The following XKR6 variants were observed in gnomAD, a reference collection of about 807,000 sequenced individuals.
XKR6 encodes XK related 6, also known as XK-related protein 6.
In XKR6, 22 loss-of-function variants were observed where a neutral mutation model predicts 56.7. The ratio of observed to expected loss-of-function variants is 0.39; its 90% confidence interval spans 0.28 to 0.55. The LOEUF (loss-of-function observed/expected upper bound fraction) is 0.55, where lower values mean the gene tolerates loss of function less well. Ranked by LOEUF, XKR6 falls within the 20% of genes least tolerant of loss-of-function variation. XKR6 has a pLI of 0.66. For missense variants in XKR6, 852 were observed against 889.0 expected, an observed-to-expected ratio of 0.96 and a Z score of 0.53; for synonymous variants, 524 against 387.8, an observed-to-expected ratio of 1.35 and a Z score of -4.13.
chr8:11,091,868 A>C (rs1288499787), intron 1 of XKR6, among the ~76,000 whole-genome samples: 1 of 152,174 alleles, frequency 6.6e-6, no homozygotes, highest in Non-Finnish European at 1.5e-5. Flanking sequence ...CCTTTATCTG[A>C]CACCCAGCAC....
intron 1 of XKR6, among the ~76,000 whole-genome samples, chr8:10,945,510 C>G (rs1366626364): frequency 1.3e-5 from 2 of 152,134 alleles, no homozygotes; most frequent in Non-Finnish European, 2.9e-5. Context: ...AATGAAAAGA[C>G]CAAAATGCCT....
At chr8:11,148,464 A>T (rs1801104637) in intron 1 of XKR6, among the ~76,000 whole-genome samples, 1 of 152,212 alleles carries the variant, frequency 6.6e-6, no homozygotes, top group Non-Finnish European at 1.5e-5. Context: ...CAGAACTCTG[A>T]AGAAATACAT....
chr8:11,174,511 C>A (rs1487181873), intron 1 of XKR6, among the ~76,000 whole-genome samples: 2 of 152,194 alleles, frequency 1.3e-5, no homozygotes, highest in Non-Finnish European at 2.9e-5. Context: ...TTTCCAGCAT[C>A]TTCTGAAGGC....
chr8:10,937,893 G>A (rs1801261589), intron 1 of XKR6, among the ~76,000 whole-genome samples: 1 of 151,980 alleles, frequency 6.6e-6, no homozygotes, highest in South Asian at 2.1e-4. Flanking sequence ...AGCCTACAGA[G>A]GCAGGCAGGC....
chr8:10,906,924 C>T (rs1800202979), intron 2 of XKR6, among the ~76,000 whole-genome samples: 1 of 152,210 alleles, frequency 6.6e-6, no homozygotes, highest in African/African-American at 2.4e-5. Context: ...GGCAAGTGCC[C>T]ATAGTCCTAG....
At chr8:10,905,457 G>A (rs115895328) in intron 2 of XKR6, among the ~76,000 whole-genome samples, 2 of 152,064 alleles carry the variant, frequency 1.3e-5, no homozygotes, top group East Asian at 1.9e-4. Flanking sequence ...TCCCCATATT[G>A]TAGATGAGGA....
intron 1 of XKR6, among the ~76,000 whole-genome samples, chr8:11,119,192 G>C (rs1172970388): frequency 6.6e-6 from 1 of 152,088 alleles, no homozygotes; most frequent in Non-Finnish European, 1.5e-5. Flanking sequence ...TATAATTTCT[G>C]TTCTTTTACA....
At chr8:10,969,935 C>G (rs1417917711) in intron 1 of XKR6, among the ~76,000 whole-genome samples, 1 of 152,238 alleles carries the variant, frequency 6.6e-6, no homozygotes, top group African/African-American at 2.4e-5. Flanking sequence ...CTCCTCTAAG[C>G]TCCCATGTGG....
chr8:11,009,998 G>C (rs1798463366), intron 1 of XKR6, among the ~76,000 whole-genome samples: 2 of 152,146 alleles, frequency 1.3e-5, no homozygotes, highest in African/African-American at 4.8e-5. Context: ...TTGCTATAAA[G>C]AACTACCTGA....
intron 1 of XKR6, among the ~76,000 whole-genome samples, chr8:10,997,354 G>A (rs34270982): frequency 0.11 from 17,039 of 152,106 alleles, 1,407 homozygotes; most frequent in Non-Finnish European, 0.17. Context: ...TATTTCCATT[G>A]TACAGATTGG....
intron 1 of XKR6, among the ~76,000 whole-genome samples, chr8:11,092,844 C>CA (rs2129173235): frequency 1.3e-5 from 2 of 152,272 alleles, no homozygotes; most frequent in Non-Finnish European, 2.9e-5. Context: ...AGGGGCCTGA[C>CA]AGACCAAACC....
chr8:11,122,377 A>T (rs1799499400), intron 1 of XKR6, among the ~76,000 whole-genome samples: 1 of 152,228 alleles, frequency 6.6e-6, no homozygotes, highest in Non-Finnish European at 1.5e-5. Flanking sequence ...CTAACCAGAG[A>T]TAGAATACTT....
chr8:11,137,490 A>G (rs73662702), intron 1 of XKR6: 4,619 of 447,452 alleles, frequency 0.01, 182 homozygotes, highest in African/African-American at 0.081. Context: ...TGAGAATAGA[A>G]TCTCTGCTAC....
intron 1 of XKR6, among the ~76,000 whole-genome samples, chr8:10,977,819 C>G (rs568499282): frequency 6.6e-6 from 1 of 151,480 alleles, no homozygotes; most frequent in Non-Finnish European, 1.5e-5. Flanking sequence ...GTGGAAGGAT[C>G]CAGTGAGCTA....
At chr8:11,114,978 T>C (rs2129181199) in intron 1 of XKR6, among the ~76,000 whole-genome samples, 2 of 152,312 alleles carry the variant, frequency 1.3e-5, no homozygotes, top group East Asian at 3.9e-4. Flanking sequence ...ATTAAGTGCT[T>C]GGTATGACAG....
intron 2 of XKR6, among the ~76,000 whole-genome samples, chr8:10,913,162 G>T (rs1254252515): frequency 1.3e-5 from 2 of 151,808 alleles, no homozygotes; most frequent in South Asian, 2.1e-4. Flanking sequence ...ATGTGTGTGT[G>T]TGTGTATATA....
intron 1 of XKR6, among the ~76,000 whole-genome samples, chr8:10,992,340 C>T (rs1798012843): frequency 6.6e-6 from 1 of 152,088 alleles, no homozygotes; most frequent in Non-Finnish European, 1.5e-5. Flanking sequence ...ATTTTAGTGG[C>T]TGCTTATTAG....
In XKR6 at chr8:11,119,457, G is replaced by C. The variant is rs533821808; in HGVS notation, c.764+81119C>G. On this transcript the variant is annotated intron_variant, in intron 1 of 2. Coordinates refer to ENST00000416569, the MANE Select transcript of XKR6 (RefSeq NM_173683.4). ...GTGTGGGAGTCTAAGTCTCTTTGTA[G>C]GTCACTAAGGACTTGCTTTATGAAT... 8.5e-4 allele frequency among the ~76,000 whole-genome samples: 130 copies of C among 152,228 alleles called. No individual in the cohort carries two copies. The South Asian group carries it at 0.013, about 15-fold the overall frequency.
chr8:10,994,357 T>G (rs764400925), intron 1 of XKR6, among the ~76,000 whole-genome samples: 34 of 152,358 alleles, frequency 2.2e-4, no homozygotes, highest in African/African-American at 7.5e-4. Flanking sequence ...GGCACTCAGC[T>G]GCATCCTCTG....
Sources: gnomAD v4.1 joint callset for allele counts (sites outside exome capture counted in the v4.1 genomes callset) on GRCh38, gnomAD v4.1.1 for gene constraint, MANE v1.5 for transcripts, NCBI Gene and HGNC (gene_info 2026-07-23, HGNC 2026-07-21) for gene names.